The following PLGRKT variants were observed in gnomAD, a reference collection of about 807,000 sequenced individuals.
The protein encoded by PLGRKT is plasminogen receptor with a C-terminal lysine, also known as plasminogen receptor (KT).
Under a neutral mutation model 18.5 loss-of-function variants are expected in PLGRKT, and 22 were observed. The ratio of observed to expected loss-of-function variants is 1.19; its 90% CI spans 0.85 to 1.70. PLGRKT has a LOEUF of 1.70. PLGRKT is among the 40% of genes most tolerant of loss of function. The probability of loss-of-function intolerance (pLI) is 0.00; values close to 1 mark genes in which losing one functional copy is unlikely to be tolerated. For missense variants in PLGRKT, 235 were observed against 174.4 expected (o/e 1.35, Z -1.96); for synonymous variants, 72 against 52.8 (o/e 1.36, Z -1.58).
chr9:5,428,057 C>T (rs1440961921), intron 3 of PLGRKT, among the ~76,000 whole-genome samples: 2 of 152,144 alleles, frequency 1.3e-5, no homozygotes, highest in Admixed American at 6.5e-5. Context: ...GGGCAGCAAG[C>T]TCCACGATCC....
intron 2 of PLGRKT, 88 bp downstream of exon 2, chr9:5,436,481 G>C (rs768263530): frequency 6.6e-6 from 1 of 152,228 alleles, no homozygotes; most frequent in African/African-American, 2.4e-5. Flanking sequence ...TGTTTGTAAG[G>C]GGTTAGGATC....
At chr9:5,377,664 A>G (rs1282914104) in intron 3 of PLGRKT, among the ~76,000 whole-genome samples, 2 of 152,198 alleles carry the variant, frequency 1.3e-5, no homozygotes, top group Non-Finnish European at 2.9e-5. Context: ...TCTAGGGAGG[A>G]CTATTCTGCC....
At chr9:5,394,223 C>T (rs1299554458) in intron 3 of PLGRKT, among the ~76,000 whole-genome samples, 5 of 151,696 alleles carry the variant, frequency 3.3e-5, no homozygotes, top group Non-Finnish European at 7.4e-5. Context: ...AAGCAGGAAG[C>T]CTACATGACT....
chr9:5,363,189 C>A (rs1465547116), intron 3 of PLGRKT, among the ~76,000 whole-genome samples: 1 of 151,730 alleles, frequency 6.6e-6, no homozygotes, highest in African/African-American at 2.4e-5. Flanking sequence ...CTCACTGGAT[C>A]CCAGAGGATC....
In PLGRKT at chr9:5,418,584, C is replaced by T; in HGVS notation, c.81+13313G>A. 1 of 760,318 alleles carries T rather than the reference C, an allele frequency of 1.3e-6. No individual in the cohort carries two copies. The highest frequency in any genetic ancestry group is 2.4e-6 in the Non-Finnish European group (1 of 414,688). 47.1% of individuals were successfully genotyped at this position (760,318 alleles called of 1,614,324 possible). On this transcript the variant is annotated intron_variant, in intron 3 of 5. Transcript: ENST00000223864. This position sits in a 1 kb window ranked among gnomAD's most constrained non-coding sequence, Gnocchi z 4.2. ...GCTGCTGTCCAGCAGGGATGGTCACCACAGTGACGGACTTCTGCCGGTTCC... is the reference window on the plus strand; with the variant it reads ...GCTGCTGTCCAGCAGGGATGGTCACTACAGTGACGGACTTCTGCCGGTTCC...
chr9:5,418,679 T>C lies in PLGRKT; in HGVS notation c.81+13218A>G. 1 of 668,924 alleles carries C rather than the reference T, an allele frequency of 1.5e-6. No individual in the cohort carries two copies. Among genetic ancestry groups the C allele is most frequent in the South Asian group, 1.6e-5 (1 of 61,880 alleles). The allele number at this position is 668,924 out of a possible 1,614,324, so 41.4% of individuals were successfully genotyped here. A position where few individuals can be genotyped will look rare whatever the true frequency, so the allele number is the denominator to read the frequency against. ...TCCTTGGAGATGGGCAGGGGCAGCA[T>C]GTAGCACCCACTGCCGGGAAGTCTG... is the stretch of plus-strand genomic sequence containing the variant. On this transcript the variant is annotated intron_variant, in intron 3 of 5. Transcript: ENST00000223864. The surrounding 1 kb of genome is among the most constrained non-coding windows in gnomAD (Gnocchi z 4.2).
intron 3 of PLGRKT, among the ~76,000 whole-genome samples, chr9:5,388,817 A>G (rs952831473): frequency 6.6e-5 from 10 of 152,082 alleles, no homozygotes; most frequent in Non-Finnish European, 1.3e-4. Context: ...AAAAGTGTCA[A>G]TCTCATAATT....
At chr9:5,362,029 T>G (rs77157603) in intron 3 of PLGRKT, 141 bp from the exon 4 acceptor site, 1 of 771,094 alleles carries the variant, frequency 1.3e-6, no homozygotes, top group African/African-American at 1.8e-5. Flanking sequence ...AGACTTTGAC[T>G]AAAGTTCCTT....
intron 3 of PLGRKT, among the ~76,000 whole-genome samples, chr9:5,380,316 G>A (rs1265202785): frequency 1.3e-5 from 2 of 149,746 alleles, no homozygotes; most frequent in African/African-American, 4.9e-5. Flanking sequence ...ACAGTGAGCC[G>A]AGATTGCGCC....
intron 3 of PLGRKT, among the ~76,000 whole-genome samples, chr9:5,379,656 C>G (rs1201635967): frequency 6.6e-6 from 1 of 152,016 alleles, no homozygotes; most frequent in African/African-American, 2.4e-5. Context: ...AGAATAAATA[C>G]AAATAAAAAA....
chr9:5,418,611 G>A lies in PLGRKT; in HGVS notation c.81+13286C>T. ...CAGTGACGGACTTCTGCCGGTTCCT[G>A]GGCAGCAGGTGGCGGCTCATATCTC... is the stretch of plus-strand genomic sequence containing the variant. On this transcript the variant is annotated intron_variant, in intron 3 of 5. Transcript: ENST00000223864. This position sits in a 1 kb window ranked among gnomAD's most constrained non-coding sequence, Gnocchi z 4.2. 1.4e-6 allele frequency: 1 copy of A among 730,742 alleles called. No homozygotes were observed. 45.3% of individuals were successfully genotyped at this position (730,742 alleles called of 1,614,324 possible).
At chr9:5,416,230 G>T (rs944883017) in intron 3 of PLGRKT, among the ~76,000 whole-genome samples, 2 of 151,892 alleles carry the variant, frequency 1.3e-5, no homozygotes, top group African/African-American at 4.8e-5. Flanking sequence ...CAACATTAAA[G>T]ACATCTATGG....
In PLGRKT at chr9:5,361,114, C is replaced by G. The variant is rs1454073225; in HGVS notation, c.286G>C (p.Asp96His). Residue 96 changes from aspartate to histidine, a missense_variant, in exon 5 of 6, where the codon GAC (aspartate) becomes CAC (histidine). Transcript: ENST00000223864. Reference sequence around the variant, plus strand: ...TCTAAAAGGGTTCCATAGCCCAAGTCATACTGGTAGGTGAGGATAAAGCTT... The same window carrying G: ...TCTAAAAGGGTTCCATAGCCCAAGTGATACTGGTAGGTGAGGATAAAGCTT... ...PLSFILTYQYDLGYGTLLERM... is the reference protein window; with the variant it reads ...PLSFILTYQYHLGYGTLLERM... 4 of 1,606,282 alleles carry G rather than the reference C, an allele frequency of 2.5e-6. No homozygotes were observed. Among genetic ancestry groups the G allele is most frequent in the Non-Finnish European group, 3.4e-6 (4 of 1,173,408 alleles).
In PLGRKT at chr9:5,418,496, T is replaced by G. The variant is rs1043674666; in HGVS notation, c.81+13401A>C. ...CACACCCTCAACCACATGGAGCTTTTCACCATGCCCCGCCTGTCCTGCTCC... is the reference window on the plus strand; with the variant it reads ...CACACCCTCAACCACATGGAGCTTTGCACCATGCCCCGCCTGTCCTGCTCC... On this transcript the variant is annotated intron_variant, in intron 3 of 5. Transcript: ENST00000223864. This position sits in a 1 kb window ranked among gnomAD's most constrained non-coding sequence, Gnocchi z 4.2. 2 of 1,107,990 alleles carry G rather than the reference T, an allele frequency of 1.8e-6. No homozygotes were observed. Among genetic ancestry groups the G allele is most frequent in the Non-Finnish European group, 1.4e-6 (1 of 725,864 alleles). The allele number at this position is 1,107,990 out of a possible 1,614,324, so 68.6% of individuals were successfully genotyped here.
chr9:5,430,118 G>A (rs1169852117), intron 3 of PLGRKT, among the ~76,000 whole-genome samples: 2 of 152,166 alleles, frequency 1.3e-5, no homozygotes, highest in African/African-American at 4.8e-5. Flanking sequence ...AGGACATGGG[G>A]AATTAACACC....
chr9:5,367,030 T>TACACACATAC (rs1817405628), intron 3 of PLGRKT, among the ~76,000 whole-genome samples: 1 of 112,312 alleles, frequency 8.9e-6, no homozygotes, highest in Non-Finnish European at 2.0e-5. Flanking sequence ...TACACACACA[T>TACACACATAC]ACACACACAC....
chr9:5,361,775 G>T lies in PLGRKT; in HGVS notation c.195C>A (p.Ala65=), dbSNP rs149711718. 52 of 1,610,860 alleles carry T rather than the reference G, an allele frequency of 3.2e-5. No individual in the cohort carries two copies. The East Asian group carries it at 1.2e-3, about 36-fold the overall frequency. Residue 65 remains alanine (A), a synonymous_variant, in exon 4 of 6, where the codon GCC becomes GCA. Coordinates refer to ENST00000223864, the MANE Select transcript of PLGRKT (RefSeq NM_018465.4). ...KYFGTFFGLA[A]ISLTAGAIKK... is the part of the protein sequence containing the mutation. Reference sequence around the variant, plus strand: ...AAACATACCCAGCTGTTAAAGAGATGGCTGCAAGGCCAAAAAAAGTTCCAA... The same window carrying T: ...AAACATACCCAGCTGTTAAAGAGATTGCTGCAAGGCCAAAAAAAGTTCCAA...
chr9:5,384,357 T>G (rs1467516673), intron 3 of PLGRKT, among the ~76,000 whole-genome samples: 1 of 152,200 alleles, frequency 6.6e-6, no homozygotes, highest in East Asian at 1.9e-4. Flanking sequence ...TTATGAAATT[T>G]CAGATAAAGT....
intron 3 of PLGRKT, among the ~76,000 whole-genome samples, chr9:5,419,496 G>C (rs558606666): frequency 6.6e-6 from 1 of 152,268 alleles, no homozygotes; most frequent in South Asian, 2.1e-4. Flanking sequence ...GCCCAGCTGA[G>C]CCAGACATGC....
Sources: allele counts gnomAD v4.1 joint callset (sites outside exome capture counted in the v4.1 genomes callset), GRCh38; gene constraint gnomAD v4.1.1; non-coding constraint Gnocchi (gnomAD v3.1); transcripts MANE v1.5; gene names NCBI Gene and HGNC (gene_info 2026-07-23, HGNC 2026-07-21).